Variants in CALCOCO1 observed in about 807,000 individuals in gnomAD.
CALCOCO1 encodes calcium-binding and coiled-coil domain-containing protein 1.
Under a neutral mutation model 86.3 loss-of-function variants are expected in CALCOCO1, and 44 were observed. The ratio of observed to expected loss-of-function variants is 0.51; its 90% CI spans 0.40 to 0.66. The LOEUF is 0.66. Ranked by LOEUF, CALCOCO1 falls within the 30% of genes least tolerant of loss-of-function variation. The probability of loss-of-function intolerance (pLI) is 0.00; values close to 1 mark genes in which losing one functional copy is unlikely to be tolerated. For synonymous variants in CALCOCO1, 297 were observed against 327.6 expected (o/e 0.91, Z 1.01); for missense variants, 708 against 851.1 (o/e 0.83, Z 2.09).
intron 6 of CALCOCO1, among the ~76,000 whole-genome samples, chr12:53,721,034 G>C (rs948060846): frequency 6.6e-6 from 1 of 152,162 alleles, no homozygotes; most frequent in Admixed American, 6.5e-5. Context: ...TTTATGATTT[G>C]CATCTTTTTT....
At chr12:53,722,408 C>T (rs1472692956) in intron 4 of CALCOCO1, among the ~76,000 whole-genome samples, 1 of 152,302 alleles carries the variant, frequency 6.6e-6, no homozygotes, top group East Asian at 1.9e-4. Flanking sequence ...TACCCCTCCC[C>T]ACTCTAGGCC....
At chr12:53,712,946 G>A in intron 14 of CALCOCO1, 154 bp downstream of exon 14, 4 of 1,280,708 alleles carry the variant, frequency 3.1e-6, no homozygotes, top group Non-Finnish European at 4.4e-6. Context: ...GGAGCAGTGA[G>A]TCATTTTCCT....
At chr12:53,712,159 G>C in intron 14 of CALCOCO1, 38 bp from the exon 15 acceptor site, 2 of 1,536,872 alleles carry the variant, frequency 1.3e-6, no homozygotes, top group Non-Finnish European at 1.8e-6. Context: ...GGGTCGGCGT[G>C]CTCTGTTCCC....
chr12:53,713,022 C>A, intron 14 of CALCOCO1, 78 bp downstream of exon 14: 1 of 1,383,614 alleles, frequency 7.2e-7, no homozygotes, highest in Non-Finnish European at 1.0e-6. Context: ...GGGAGCAGGG[C>A]CTGGTGACTG....
chr12:53,716,042 C>G lies in CALCOCO1; in HGVS notation c.1011G>C (p.Glu337Asp). 1 of 1,612,094 alleles carries G rather than the reference C, an allele frequency of 6.2e-7. No individual in the cohort carries two copies. The highest frequency in any genetic ancestry group is 8.5e-7 in the Non-Finnish European group (1 of 1,179,998). ...GAAGCTGCTCCTTCAAGGGCTCCAG[C>G]TCGGCCTCAGGAGAAAGGAGGAGAT... is the stretch of plus-strand genomic sequence containing the variant. ...TLGQAQQRVAELEPLKEQLRG... is the reference protein window; with the variant it reads ...TLGQAQQRVADLEPLKEQLRG... Residue 337 changes from glutamate (E) to aspartate (D), a missense_variant, in exon 9 of 15, where the codon GAG becomes GAC. Glu to Asp is a conservative substitution (Grantham distance 45). Transcript: ENST00000550804.
At chr12:53,717,547 T>C (rs1227741472) in intron 7 of CALCOCO1, among the ~76,000 whole-genome samples, 2 of 152,234 alleles carry the variant, frequency 1.3e-5, no homozygotes, top group Non-Finnish European at 2.9e-5. Context: ...TCTTTCTCTG[T>C]TCCTAGAATA....
rs17708817 is a variant in CALCOCO1, at chr12:53,709,089, G to A, written c.*2855C>T. Reference sequence around the variant, plus strand: ...TTCTTTCACCACCAAATACTGACGCGAGTTCCTATTTGCTGCTACTTGGCT... The same window carrying A: ...TTCTTTCACCACCAAATACTGACGCAAGTTCCTATTTGCTGCTACTTGGCT... On this transcript the variant is annotated 3_prime_UTR_variant, in exon 15 of 15. Transcript: ENST00000550804. 31,334 of 152,138 alleles carry A rather than the reference G, an allele frequency of 0.21. 3,630 individuals carry two copies. Among genetic ancestry groups the A allele is most frequent in the Non-Finnish European group, 0.27 (18,243 of 67,986 alleles). The allele number at this position is 152,138 out of a possible 1,614,324, so 9.4% of individuals were successfully genotyped here. A position where few individuals can be genotyped will look rare whatever the true frequency, so the allele number is the denominator to read the frequency against.
intron 13 of CALCOCO1, 39 bp downstream of exon 13, chr12:53,713,662 C>A: frequency 1.4e-6 from 2 of 1,480,576 alleles, no homozygotes; most frequent in South Asian, 1.5e-5. Context: ...TGGCCCTGCC[C>A]CTCCTTACTG....
Position 53,711,287 on chromosome 12 carries a change from C to T in CALCOCO1, c.*657G>A, listed in dbSNP as rs1310209738. On this transcript the variant is annotated 3_prime_UTR_variant, in exon 15 of 15. Transcript: ENST00000550804. ...GAAGGCACAAATACATTATTTCTTT[C>T]CATGTGAGGAGATGCGAGGAGAGGA... 1 of 398,714 alleles carries T rather than the reference C, an allele frequency of 2.5e-6. No homozygotes were observed. The highest frequency in any genetic ancestry group is 2.1e-5 in the African/African-American group (1 of 48,586). 24.7% of individuals were successfully genotyped at this position (398,714 alleles called of 1,614,324 possible).
chr12:53,723,108 C>T (rs932223448), intron 4 of CALCOCO1, among the ~76,000 whole-genome samples: 4 of 152,078 alleles, frequency 2.6e-5, no homozygotes, highest in African/African-American at 9.7e-5. Flanking sequence ...GTATATTTTA[C>T]CCTTATAGTA....
rs115825684 is a variant in CALCOCO1, at chr12:53,725,579, C to T, written c.-24-313G>A. On this transcript the variant is annotated intron_variant, in intron 1 of 14. Transcript: ENST00000550804. The stretch of plus-strand genomic sequence containing the variant: ...GACGGGGACAGAGCCTGGGATACTG[C>T]GACTTGGTCGACAGCCTCCATTTCT... 2.2e-3 allele frequency: 380 copies of T among 172,928 alleles called. 2 individuals carry two copies. Among genetic ancestry groups the T allele is most frequent in the Non-Finnish European group, 1.9e-3 (154 of 82,010 alleles). The allele number at this position is 172,928 out of a possible 1,614,324, so 10.7% of individuals were successfully genotyped here.
intron 4 of CALCOCO1, 61 bp downstream of exon 4, chr12:53,723,532 C>T (rs1945936440): frequency 6.4e-7 from 1 of 1,563,586 alleles, no homozygotes; most frequent in Non-Finnish European, 8.8e-7. Context: ...TGGGAAGGGT[C>T]CTCTTGCAAT....
At position 53,708,873 on chromosome 12, in the gene CALCOCO1, T is replaced by C. The variant is rs1262118928; in HGVS notation, c.*3071A>G. On this transcript the variant is annotated 3_prime_UTR_variant, in exon 15 of 15. Coordinates refer to ENST00000550804, the MANE Select transcript of CALCOCO1 (RefSeq NM_020898.3). Reference sequence around the variant, plus strand: ...CCTTTGAGCTAGGAGGAAAGTAGTGTATGTTTTTGTGGAATGGTTCTGTTA... The same window carrying C: ...CCTTTGAGCTAGGAGGAAAGTAGTGCATGTTTTTGTGGAATGGTTCTGTTA... 1 of 152,140 alleles carries C rather than the reference T, an allele frequency of 6.6e-6. No homozygotes were observed. Among genetic ancestry groups the C allele is most frequent in the Non-Finnish European group, 1.5e-5 (1 of 68,022 alleles). 9.4% of individuals were successfully genotyped at this position (152,140 alleles called of 1,614,324 possible). A position where few individuals can be genotyped will look rare whatever the true frequency, so the allele number is the denominator to read the frequency against.
Position 53,711,498 on chromosome 12 carries a change from G to A in CALCOCO1, c.*446C>T, listed in dbSNP as rs544227144. On this transcript the variant is annotated 3_prime_UTR_variant, in exon 15 of 15. Coordinates refer to ENST00000550804, the MANE Select transcript of CALCOCO1 (RefSeq NM_020898.3). ...TGCTGCTGCCTCTGTGCAGACCCCA[G>A]AGAAAACTCAGGTAAACCAACGGAA... 7 of 346,934 alleles carry A rather than the reference G, an allele frequency of 2.0e-5. No homozygotes were observed. In the East Asian group the frequency reaches 3.0e-4, roughly 15 times the overall value. The allele number at this position is 346,934 out of a possible 1,614,324, so 21.5% of individuals were successfully genotyped here.
Position 53,721,448 on chromosome 12 carries a change from G to A in CALCOCO1, c.758+19C>T, listed in dbSNP as rs767984925. 1 of 1,584,628 alleles carries A rather than the reference G, an allele frequency of 6.3e-7. No homozygotes were observed. Among genetic ancestry groups the A allele is most frequent in the Non-Finnish European group, 8.6e-7 (1 of 1,168,404 alleles). Reference sequence around the variant, plus strand: ...CATGGAAGGGAGAGGAAGTGACGGGGTCAGTGGACTCCCCTCACCTGTCCA... The same window carrying A: ...CATGGAAGGGAGAGGAAGTGACGGGATCAGTGGACTCCCCTCACCTGTCCA... On this transcript the variant is annotated intron_variant, in intron 6 of 14. Transcript: ENST00000550804.
intron 9 of CALCOCO1, 37 bp from the exon 10 acceptor site, chr12:53,715,362 G>A (rs1258925929): frequency 1.2e-6 from 2 of 1,611,990 alleles, no homozygotes; most frequent in East Asian, 4.5e-5. Flanking sequence ...GGAGGGTGGA[G>A]GGGGAAGAAA....
In CALCOCO1 at chr12:53,711,494, C is replaced by T. The variant is rs949270060; in HGVS notation, c.*450G>A. ...TCCATGCTGCTGCCTCTGTGCAGAC[C>T]CCAGAGAAAACTCAGGTAAACCAAC... On this transcript the variant is annotated 3_prime_UTR_variant, in exon 15 of 15. Transcript: ENST00000550804. 5.7e-6 allele frequency: 2 copies of T among 348,328 alleles called. No individual in the cohort carries two copies. Among genetic ancestry groups the T allele is most frequent in the African/African-American group, 2.1e-5 (1 of 47,152 alleles). The allele number at this position is 348,328 out of a possible 1,614,324, so 21.6% of individuals were successfully genotyped here. A position where few individuals can be genotyped will look rare whatever the true frequency, so the allele number is the denominator to read the frequency against.
At chr12:53,717,768 T>A (rs1273825101) in intron 7 of CALCOCO1, among the ~76,000 whole-genome samples, 1 of 152,174 alleles carries the variant, frequency 6.6e-6, no homozygotes, top group Non-Finnish European at 1.5e-5. Context: ...ATGCCTGCAA[T>A]CTCGGCATGA....
At position 53,715,611 on chromosome 12, in the gene CALCOCO1, C is replaced by T. The variant is rs183248604; in HGVS notation, c.1260+182G>A. The T allele has an allele frequency of 3.0e-4, 245 of 828,314 alleles. No homozygotes were observed. In the African/African-American group the frequency reaches 3.5e-3, roughly 12 times the overall value. 51.3% of individuals were successfully genotyped at this position (828,314 alleles called of 1,614,324 possible). A position where few individuals can be genotyped will look rare whatever the true frequency, so the allele number is the denominator to read the frequency against. ...TCTGGTGATCAGGATTGGGATACCC[C>T]GGTTAGGGATGGGTCATGCCTAGAA... On this transcript the variant is annotated intron_variant, in intron 9 of 14. Transcript: ENST00000550804.
Sources: gnomAD v4.1 joint callset for allele counts (sites outside exome capture counted in the v4.1 genomes callset) on GRCh38, gnomAD v4.1.1 for gene constraint, MANE v1.5 for transcripts, NCBI Gene and HGNC (gene_info 2026-07-23, HGNC 2026-07-21) for gene names.